The following MAGI2 variants were observed in gnomAD, a reference collection of about 807,000 sequenced individuals.
MAGI2 encodes membrane-associated guanylate kinase, WW and PDZ domain-containing protein 2.
MAGI2 carries 35 observed loss-of-function variants against 133.3 expected under a neutral mutation model. The ratio of observed to expected loss-of-function variants is 0.26; its 90% CI spans 0.20 to 0.35. The LOEUF is 0.35. MAGI2 is among the 10% of genes least tolerant of loss of function. The pLI, the probability that MAGI2 is intolerant of heterozygous loss-of-function variation, is 1.00. For synonymous variants in MAGI2, 729 were observed against 710.6 expected (o/e 1.03, Z -0.41); for missense variants, 1,636 against 1,863.4 (o/e 0.88, Z 2.25).
At chr7:79,374,751 T>C (rs1184251566) in intron 1 of MAGI2, among the ~76,000 whole-genome samples, 1 of 151,948 alleles carries the variant, frequency 6.6e-6, no homozygotes, top group African/African-American at 2.4e-5. Context: ...GAAAGAAACA[T>C]TTCTTTATGG....
At chr7:79,250,823 T>C (rs749800430) in intron 1 of MAGI2, among the ~76,000 whole-genome samples, 10 of 152,156 alleles carry the variant, frequency 6.6e-5, no homozygotes, top group Admixed American at 2.0e-4. Context: ...ACTGGAGGAA[T>C]AGCATTACCT....
intron 1 of MAGI2, among the ~76,000 whole-genome samples, chr7:79,218,195 C>A (rs986350737): frequency 6.6e-6 from 1 of 151,936 alleles, no homozygotes; most frequent in African/African-American, 2.4e-5. Context: ...TCTGGGACTG[C>A]ATGAATACTT....
chr7:79,445,670 G>C (rs948284061), intron 1 of MAGI2, among the ~76,000 whole-genome samples: 1 of 152,154 alleles, frequency 6.6e-6, no homozygotes, highest in African/African-American at 2.4e-5. Flanking sequence ...GAAACAACAG[G>C]CGCTGGAGAG....
intron 2 of MAGI2, among the ~76,000 whole-genome samples, chr7:78,800,013 A>G (rs1403166647): frequency 6.6e-6 from 1 of 152,166 alleles, no homozygotes; most frequent in Non-Finnish European, 1.5e-5. Context: ...ATATTTTAAC[A>G]CTTTATAGGC....
intron 1 of MAGI2, among the ~76,000 whole-genome samples, chr7:79,339,749 A>T (rs1840752806): frequency 6.6e-6 from 1 of 152,102 alleles, no homozygotes; most frequent in African/African-American, 2.4e-5. Flanking sequence ...GTGGCTTTAT[A>T]CTTAATGAAT....
intron 2 of MAGI2, among the ~76,000 whole-genome samples, chr7:78,796,525 A>C (rs1051758286): frequency 3.6e-4 from 55 of 152,300 alleles, no homozygotes; most frequent in Middle Eastern, 3.4e-3. Context: ...GGATGCTCAT[A>C]CACTGTTGGT....
At chr7:78,078,185 C>T (rs1051197112) in intron 21 of MAGI2, 3 of 152,258 alleles carry the variant, frequency 2.0e-5, no homozygotes, top group African/African-American at 7.2e-5. Context: ...TCTGTATGCC[C>T]GTCTGTTTCT....
intron 6 of MAGI2, among the ~76,000 whole-genome samples, chr7:78,381,454 T>G (rs1468897556): frequency 6.6e-6 from 1 of 152,010 alleles, no homozygotes; most frequent in Non-Finnish European, 1.5e-5. Context: ...CTCGACAAAT[T>G]TAACTACATA....
rs562212064 is a variant in MAGI2, at chr7:78,353,610, G to A, written c.1104-7567C>T. Among the ~76,000 whole-genome samples, 79 of 152,328 alleles carry A rather than the reference G, an allele frequency of 5.2e-4. 1 individual carries two copies. Among genetic ancestry groups the A allele is most frequent in the Non-Finnish European group, 9.7e-4 (66 of 68,016 alleles). On this transcript the variant is annotated intron_variant, in intron 7 of 21. Coordinates refer to ENST00000354212, the MANE Select transcript of MAGI2 (RefSeq NM_012301.4). ...GACGTAAATACTCAGAGGGAGAAAA[G>A]ACAACTTAGTCTGATGGCTCAGGGA...
intron 4 of MAGI2, among the ~76,000 whole-genome samples, chr7:78,502,958 A>G (rs1043075359): frequency 2.0e-5 from 3 of 152,210 alleles, no homozygotes; most frequent in African/African-American, 7.2e-5. Context: ...AGATTAAGGA[A>G]ACATGCAGAC....
rs1032227204 is a variant in MAGI2 at position 79,219,875 on chromosome 7, G to T, written c.302-212669C>A. ...CTCTAAAAATATTTGGCCACTAAAT[G>T]TATATTTTTAATTTCTCTGCTTTCC... On this transcript the variant is annotated intron_variant, in intron 1 of 21. Coordinates refer to ENST00000354212, the MANE Select transcript of MAGI2 (RefSeq NM_012301.4). Among the ~76,000 whole-genome samples the T allele has an allele frequency of 3.3e-5, 5 of 152,076 alleles. No individual in the cohort carries two copies. The East Asian group carries it at 9.7e-4, about 29-fold the overall frequency.
chr7:78,442,249 G>A (rs777250684), intron 6 of MAGI2, among the ~76,000 whole-genome samples: 82 of 152,250 alleles, frequency 5.4e-4, no homozygotes, highest in Non-Finnish European at 6.9e-4. Flanking sequence ...TAGAGTTATT[G>A]TGCATTTGTT....
rs1420315656 is a variant in MAGI2, at chr7:78,565,423, C to G, written c.539-43778G>C. Among the ~76,000 whole-genome samples the G allele has an allele frequency of 2.6e-5, 4 of 151,244 alleles. No homozygotes were observed. In the East Asian group the frequency reaches 5.9e-4, roughly 22 times the overall value. On this transcript the variant is annotated intron_variant, in intron 3 of 21. Transcript: ENST00000354212. ...GATGTTACAGTGAGCCATGATTACA[C>G]TATTGCACTCATGGTCTCAGTGACA...
At chr7:78,327,773 G>A (rs1203079316) in intron 9 of MAGI2, among the ~76,000 whole-genome samples, 1 of 152,210 alleles carries the variant, frequency 6.6e-6, no homozygotes, top group African/African-American at 2.4e-5. Flanking sequence ...CTGATGCTGT[G>A]CAATAAGGGG....
At chr7:79,416,719 C>CTCTTTTTTTT (rs1563203584) in intron 1 of MAGI2, among the ~76,000 whole-genome samples, 1 of 99,270 alleles carries the variant, frequency 1.0e-5, no homozygotes, top group Non-Finnish European at 2.0e-5. Context: ...CTTTTCTTTT[C>CTCTTTTTTTT]TTTTTCTTTT....
At chr7:79,036,351 A>C (rs930816584) in intron 1 of MAGI2, among the ~76,000 whole-genome samples, 5 of 152,186 alleles carry the variant, frequency 3.3e-5, no homozygotes, top group African/African-American at 1.2e-4. Flanking sequence ...TGGTACTTTC[A>C]CCCAATTCAT....
At chr7:78,602,453 C>T (rs910583121) in intron 3 of MAGI2, among the ~76,000 whole-genome samples, 15 of 152,178 alleles carry the variant, frequency 9.9e-5, no homozygotes, top group African/African-American at 3.4e-4. Flanking sequence ...AGCCACCATA[C>T]CCGGCCGATT....
intron 1 of MAGI2, among the ~76,000 whole-genome samples, chr7:79,236,206 A>T (rs1394690767): frequency 6.6e-6 from 1 of 152,344 alleles, no homozygotes; most frequent in South Asian, 2.1e-4. Flanking sequence ...ATCTTAAATG[A>T]TAATCTCACT....
intron 1 of MAGI2, among the ~76,000 whole-genome samples, chr7:79,170,838 G>A (rs1369607469): frequency 2.0e-5 from 3 of 152,014 alleles, no homozygotes; most frequent in African/African-American, 7.2e-5. Context: ...TAAAACTCAT[G>A]GAAAGAAAAT....
Sources: allele counts gnomAD v4.1 joint callset (sites outside exome capture counted in the v4.1 genomes callset), GRCh38; gene constraint gnomAD v4.1.1; transcripts MANE v1.5; gene names NCBI Gene and HGNC (gene_info 2026-07-23, HGNC 2026-07-21).